The following GPR50 variants were observed in gnomAD, a reference collection of about 807,000 sequenced individuals.
The protein encoded by GPR50 is melatonin-related receptor.
A neutral mutation model predicts 2.6 loss-of-function variants in GPR50; 1 was observed. The ratio of observed to expected loss-of-function variants is 0.38; its 90% confidence interval spans 0.13 to 1.79. The LOEUF is 1.79. Among genes scored for constraint, GPR50 ranks in the 40% most tolerant of loss-of-function variants. The pLI is 0.33. For synonymous variants in GPR50, 233 were observed against 202.3 expected (o/e 1.15, Z -1.29); for missense variants, 535 against 522.1 (o/e 1.02, Z -0.24).
At position 151,180,064 on chromosome X, in the gene GPR50, C is replaced by T. The variant is rs2048702460; in HGVS notation, c.481C>T (p.Leu161=). ...ITWIMTVLAV[L]PNMYIGTIEY... ...CTGGATCATGACCGTCCTGGCTGTC[C>T]TGCCCAACATGTACATTGGCACCAT... The change falls in exon 2 of 2, where the codon CTG becomes TTG. Residue 161 remains leucine, a synonymous_variant. Transcript: ENST00000218316. The T allele has an allele frequency of 1.7e-6, 2 of 1,211,733 alleles. No individual in the cohort carries two copies. The highest frequency in any genetic ancestry group is 1.8e-5 in the South Asian group (1 of 56,975).
At chrX:151,179,139 T>C (rs1313220138) in intron 1 of GPR50, among the ~76,000 whole-genome samples, 1 of 101,572 alleles carries the variant, frequency 9.8e-6, no homozygotes, top group Non-Finnish European at 2.0e-5. Context: ...GCTTCCCTGC[T>C]TCCCCTCAGT....
rs370344133 is a variant in GPR50 at position 151,180,581 on chromosome X, G to C, written c.998G>C (p.Arg333Pro). 6 of 1,208,393 alleles carry C rather than the reference G, an allele frequency of 5.0e-6. No individual in the cohort carries two copies. In the African/African-American group the frequency reaches 1.1e-4, roughly 21 times the overall value. Residue 333 changes from arginine (R) to proline (P), a missense_variant, in exon 2 of 2, where the codon CGT becomes CCT. Physicochemically the swap from Arg to Pro is moderately radical, Grantham distance 103. Transcript: ENST00000218316. Reference sequence around the variant, plus strand: ...GATATTCGTGAGATGCAGGAGGCCCGTACCCTGGCCCGCGCCCGTGCCCAT... The same window carrying C: ...GATATTCGTGAGATGCAGGAGGCCCCTACCCTGGCCCGCGCCCGTGCCCAT... ...ISDIREMQEA[R>P]TLARARAHAR...
rs1602729266 is a variant in GPR50 at position 151,181,169 on chromosome X, C to T, written c.1586C>T (p.Pro529Leu). 1 of 1,211,351 alleles carries T rather than the reference C, an allele frequency of 8.3e-7. No individual in the cohort carries two copies. The highest frequency in any genetic ancestry group is 3.0e-5 in the East Asian group (1 of 33,834). Residue 529 changes from proline (P) to leucine (L), a missense_variant, in exon 2 of 2, where the codon CCT becomes CTT. Transcript: ENST00000218316. ...DYPKPATTSHPKPTAADNPEL... is the reference protein window; with the variant it reads ...DYPKPATTSHLKPTAADNPEL... ...CCCAAGCCTGCCACTACCAGCCACCCTAAGCCCACTGCTGCTGACAACCCT... is the reference window on the plus strand; with the variant it reads ...CCCAAGCCTGCCACTACCAGCCACCTTAAGCCCACTGCTGCTGACAACCCT...
In GPR50 at chrX:151,179,978, A is replaced by G; in HGVS notation, c.395A>G (p.His132Arg). 8.3e-7 allele frequency: 1 copy of G among 1,210,952 alleles called. No individual in the cohort carries two copies. The highest frequency in any genetic ancestry group is 1.8e-5 in the South Asian group (1 of 56,887). The change falls in exon 2 of 2, where the codon CAC (histidine) becomes CGC (arginine). Residue 132 changes from histidine to arginine, a missense_variant. Coordinates refer to ENST00000218316, the MANE Select transcript of GPR50 (RefSeq NM_004224.3). ...ATCAACCGTTACTGCTACATCTGCC[A>G]CAGCCTCCAGTACGAACGGATCTTC... ...IAINRYCYIC[H>R]SLQYERIFSV...
At chrX:151,182,837 G>A (rs2048721791), downstream of GPR50, 1 of 112,444 alleles carries the variant, frequency 8.9e-6, no homozygotes, top group African/African-American at 3.2e-5. Context: ...CAATTAAATA[G>A]AAGTGTTTTT....
In GPR50 at chrX:151,176,868, C is replaced by A. The variant is rs199965066; in HGVS notation, c.147C>A (p.Val49=). The change falls in exon 1 of 2, where the codon GTC becomes GTA. Residue 49 remains valine (V), a synonymous_variant. Transcript: ENST00000218316. The part of the protein sequence containing the change: ...IVVDLIGNSM[V]ILAVTKNKKL... ...TAGACCTAATCGGCAACTCCATGGT[C>A]ATTTTGGCTGTGACGAAGAACAAGA... The A allele has an allele frequency of 8.3e-7, 1 of 1,205,214 alleles. No individual in the cohort carries two copies.
chrX:151,176,777 C>G lies in GPR50; in HGVS notation c.56C>G (p.Pro19Arg). Residue 19 changes from proline to arginine, a missense_variant, in exon 1 of 2, where the codon CCC (proline) becomes CGC (arginine). By Grantham distance (103) the Pro-to-Arg change is moderately radical. Coordinates refer to ENST00000218316, the MANE Select transcript of GPR50 (RefSeq NM_004224.3). The stretch of plus-strand genomic sequence containing the variant: ...TATGGCTGTATTGGCTGTAAGCTAC[C>G]CCAGCCAGAATACCCACCGGCTCTA... ...TPYGCIGCKL[P>R]QPEYPPALII... 1 of 1,204,302 alleles carries G rather than the reference C, an allele frequency of 8.3e-7. No individual in the cohort carries two copies. Among genetic ancestry groups the G allele is most frequent in the Non-Finnish European group, 1.1e-6 (1 of 889,731 alleles).
At chrX:151,182,201 C>A (rs140583230), downstream of GPR50, among the ~76,000 whole-genome samples, 538 of 111,340 alleles carry the variant, frequency 4.8e-3, 4 homozygotes, top group African/African-American at 0.016. Flanking sequence ...ACGTTTTTAC[C>A]TTATTTGTAA....
chrX:151,180,846 C>G lies in GPR50; in HGVS notation c.1263C>G (p.Val421=). ...SKAASGHLKP[V]SGHSKPASGH... is the part of the protein sequence containing the mutation. ...CTGCCTCTGGTCACCTCAAGCCTGTCTCTGGCCACTCCAAGCCTGCCTCTG... is the reference window on the plus strand; with the variant it reads ...CTGCCTCTGGTCACCTCAAGCCTGTGTCTGGCCACTCCAAGCCTGCCTCTG... The change falls in exon 2 of 2, where the codon GTC becomes GTG. Residue 421 remains valine, a synonymous_variant. Coordinates refer to ENST00000218316, the MANE Select transcript of GPR50 (RefSeq NM_004224.3). The G allele has an allele frequency of 8.3e-7, 1 of 1,211,032 alleles. No individual in the cohort carries two copies. Among genetic ancestry groups the G allele is most frequent in the East Asian group, 3.0e-5 (1 of 33,820 alleles).
At chrX:151,177,036 T>G in intron 1 of GPR50, 128 bp downstream of exon 1, 3 of 478,815 alleles carry the variant, frequency 6.3e-6, no homozygotes, top group Non-Finnish European at 1.1e-5. Flanking sequence ...TGCTCCCAAA[T>G]TCCCCGCAAG....
chrX:151,182,011 C>T (rs1293339829), downstream of GPR50, among the ~76,000 whole-genome samples: 4 of 112,649 alleles, frequency 3.6e-5, no homozygotes, highest in African/African-American at 1.3e-4. Context: ...TAAATTTCAG[C>T]AACAACATAT....
In GPR50 at chrX:151,180,963, C is replaced by T; in HGVS notation, c.1380C>T (p.Phe460=). The T allele has an allele frequency of 8.3e-7, 1 of 1,211,008 alleles. No individual in the cohort carries two copies. The highest frequency in any genetic ancestry group is 1.1e-6 in the Non-Finnish European group (1 of 895,128). The change falls in exon 2 of 2, where the codon TTC becomes TTT. Residue 460 remains phenylalanine (F), a synonymous_variant. Coordinates refer to ENST00000218316, the MANE Select transcript of GPR50 (RefSeq NM_004224.3). ...ATTTCAAGGGTGACTCTGTCCATTT[C>T]AAGCCTGACTCTGTTCATTTCAAGC... ...SVHFKGDSVH[F]KPDSVHFKPA...
downstream of GPR50, chrX:151,182,431 T>C (rs2048719776): frequency 8.9e-6 from 1 of 112,309 alleles, no homozygotes; most frequent in South Asian, 3.7e-4. Context: ...ATTGCTTTCA[T>C]TCAAAAGGGA....
At chrX:151,179,026 C>G (rs1350888571) in intron 1 of GPR50, among the ~76,000 whole-genome samples, 2 of 110,751 alleles carry the variant, frequency 1.8e-5, no homozygotes, top group East Asian at 5.8e-4. Context: ...TTCTGCTAAT[C>G]CTTGCAGGAT....
At position 151,180,778 on chromosome X, in the gene GPR50, T is replaced by G. The variant is rs750325375; in HGVS notation, c.1195T>G (p.Ser399Ala). 8.3e-7 allele frequency: 1 copy of G among 1,210,729 alleles called. No individual in the cohort carries two copies. Among genetic ancestry groups the G allele is most frequent in the Non-Finnish European group, 1.1e-6 (1 of 895,186 alleles). Residue 399 changes from serine (S) to alanine (A), a missense_variant, in exon 2 of 2, where the codon TCT becomes GCT. Coordinates refer to ENST00000218316, the MANE Select transcript of GPR50 (RefSeq NM_004224.3). ...HSRSSSAYRK[S>A]ASTHHKSVFS... ...CAGATCCTCCTCTGCCTATCGCAAA[T>G]CTGCCTCTACCCACCACAAGTCTGT... is the stretch of plus-strand genomic sequence containing the variant.
downstream of GPR50, chrX:151,182,252 T>G (rs776816047): frequency 8.9e-6 from 1 of 111,812 alleles, no homozygotes; most frequent in Non-Finnish European, 1.9e-5. Flanking sequence ...TTTTTTTCAT[T>G]TAGTTCCAGA....
Position 151,179,959 on chromosome X carries a change from C to T in GPR50, c.376C>T (p.Arg126Cys), listed in dbSNP as rs754172257. 1.7e-6 allele frequency: 2 copies of T among 1,209,139 alleles called. No individual in the cohort carries two copies. Among genetic ancestry groups the T allele is most frequent in the Non-Finnish European group, 2.2e-6 (2 of 894,812 alleles). ...CAACATCGTGGCAATCGCTATCAACCGTTACTGCTACATCTGCCACAGCCT... is the reference window on the plus strand; with the variant it reads ...CAACATCGTGGCAATCGCTATCAACTGTTACTGCTACATCTGCCACAGCCT... Reference protein sequence around the residue: ...IFNIVAIAINRYCYICHSLQY... With the variant: ...IFNIVAIAINCYCYICHSLQY... Residue 126 changes from arginine to cysteine, a missense_variant, in exon 2 of 2, where the codon CGT becomes TGT. Transcript: ENST00000218316.
Position 151,180,402 on chromosome X carries a change from C to G in GPR50, c.819C>G (p.Asn273Lys), listed in dbSNP as rs755686782. 8.3e-7 allele frequency: 1 copy of G among 1,211,351 alleles called. No homozygotes were observed. The highest frequency in any genetic ancestry group is 3.0e-5 in the East Asian group (1 of 33,842). The change falls in exon 2 of 2, where the codon AAC (asparagine) becomes AAG (lysine). Residue 273 changes from asparagine (N) to lysine (K), a missense_variant. Physicochemically the swap from Asn to Lys is moderately conservative, Grantham distance 94 (BLOSUM62 0). Transcript: ENST00000218316. ...SPKEMAGKIPNWLYLAAYFIA... is the reference protein window; with the variant it reads ...SPKEMAGKIPKWLYLAAYFIA... ...AGGAGATGGCAGGCAAGATCCCCAACTGGCTTTATCTTGCAGCCTACTTCA... is the reference window on the plus strand; with the variant it reads ...AGGAGATGGCAGGCAAGATCCCCAAGTGGCTTTATCTTGCAGCCTACTTCA...
chrX:151,180,701 A>G lies in GPR50; in HGVS notation c.1118A>G (p.Asp373Gly), dbSNP rs771135593. 19 of 1,209,213 alleles carry G rather than the reference A, an allele frequency of 1.6e-5. No individual in the cohort carries two copies. The highest frequency in any genetic ancestry group is 2.3e-4 in the Middle Eastern group (1 of 4,354). The change falls in exon 2 of 2, where the codon GAT (aspartate) becomes GGT (glycine). Residue 373 changes from aspartate (D) to glycine (G), a missense_variant. Asp to Gly is a moderately conservative substitution (Grantham distance 94, BLOSUM62 -1). Transcript: ENST00000218316. Reference protein sequence around the residue: ...MNVRNVPLPGDAAAGHPDRAS... With the variant: ...MNVRNVPLPGGAAAGHPDRAS... ...GTCCGGAATGTTCCATTACCTGGTG[A>G]TGCTGCAGCTGGCCACCCCGACCGT... is the stretch of plus-strand genomic sequence containing the variant.
Sources: allele counts gnomAD v4.1 joint callset (sites outside exome capture counted in the v4.1 genomes callset), GRCh38; gene constraint gnomAD v4.1.1; transcripts MANE v1.5; gene names NCBI Gene and HGNC (gene_info 2026-07-23, HGNC 2026-07-21).